Variants in ADGRV1 observed in about 807,000 individuals in gnomAD.
ADGRV1 encodes the protein G-protein coupled receptor 98.
A neutral mutation model predicts 596.2 loss-of-function variants in ADGRV1; 359 were observed. The ratio of observed to expected loss-of-function variants is 0.60; its 90% CI spans 0.55 to 0.66. The LOEUF (loss-of-function observed/expected upper bound fraction) is 0.66. Ranked by LOEUF, ADGRV1 falls within the 30% of genes least tolerant of loss-of-function variation. The probability of loss-of-function intolerance (pLI) is 0.00; values close to 1 mark genes in which losing one functional copy is unlikely to be tolerated. For synonymous variants in ADGRV1, 2,681 were observed against 2,679.2 expected (o/e 1.00, Z -0.02); for missense variants, 7,274 against 7,575.6 (o/e 0.96, Z 1.48).
At chr5:90,775,103 A>G (rs533047185) in intron 60 of ADGRV1, among the ~76,000 whole-genome samples, 2 of 152,326 alleles carry the variant, frequency 1.3e-5, no homozygotes, top group African/African-American at 4.8e-5. Context: ...TATAAACAAT[A>G]ATAACCAACC....
chr5:90,832,197 G>A (rs970820819), intron 77 of ADGRV1, among the ~76,000 whole-genome samples: 1 of 152,082 alleles, frequency 6.6e-6, no homozygotes, highest in Non-Finnish European at 1.5e-5. Context: ...CATAGTGGTT[G>A]TACTAATTTA....
rs756384554 is a variant in ADGRV1, at chr5:90,729,680, G to A, written c.10465G>A (p.Gly3489Arg). The A allele has an allele frequency of 8.7e-6, 14 of 1,604,992 alleles. No individual in the cohort carries two copies. The highest frequency in any genetic ancestry group is 1.1e-5 in the Non-Finnish European group (13 of 1,172,542). The change falls in exon 50 of 90, where the codon GGA becomes AGA. Residue 3489 changes from glycine (G) to arginine (R), a missense_variant. By Grantham distance (125) the Gly-to-Arg change is moderately radical. Coordinates refer to ENST00000405460, the MANE Select transcript of ADGRV1 (RefSeq NM_032119.4). The stretch of plus-strand genomic sequence containing the variant: ...AATTGATATTTTCATCTGGGAGATG[G>A]GACAGTCTTCCTTCAGGTATTTTCA... ...NSIDIFIWEM[G>R]QSSFRYFQSV...
chr5:90,758,160 G>T (rs1212613732), intron 57 of ADGRV1, among the ~76,000 whole-genome samples: 2 of 152,006 alleles, frequency 1.3e-5, no homozygotes. Flanking sequence ...GTGAAACCCC[G>T]TCTGTACTAG....
intron 87 of ADGRV1, among the ~76,000 whole-genome samples, chr5:91,122,130 G>C (rs1793373827): frequency 6.6e-6 from 1 of 152,092 alleles, no homozygotes; most frequent in African/African-American, 2.4e-5. Flanking sequence ...TTCTTTCTGG[G>C]TCTTTCCGTG....
chr5:90,712,142 T>C (rs1749444364), intron 41 of ADGRV1, 145 bp from the exon 42 acceptor site: 1 of 514,678 alleles, frequency 1.9e-6, no homozygotes, highest in African/African-American at 2.0e-5. Context: ...TAAAAAGATA[T>C]AAACCAAAAT....
intron 83 of ADGRV1, among the ~76,000 whole-genome samples, chr5:90,962,182 T>C (rs369642956): frequency 1.3e-5 from 2 of 152,204 alleles, no homozygotes; most frequent in South Asian, 4.1e-4. Context: ...ACAATAATAG[T>C]TTCACATCAT....
At chr5:90,630,019 A>G (rs1227370988) in intron 9 of ADGRV1, 1 of 152,378 alleles carries the variant, frequency 6.6e-6, no homozygotes, top group Non-Finnish European at 1.5e-5. Flanking sequence ...TTTTTTTGAG[A>G]CAGGGTCTCA....
chr5:91,001,255 T>G (rs1781835700), intron 85 of ADGRV1, among the ~76,000 whole-genome samples: 3 of 152,048 alleles, frequency 2.0e-5, no homozygotes, highest in Admixed American at 2.0e-4. Context: ...TATTTTTATC[T>G]TTTGTGGAGA....
At chr5:91,145,285 C>T (rs1398538295) in intron 87 of ADGRV1, among the ~76,000 whole-genome samples, 2 of 152,122 alleles carry the variant, frequency 1.3e-5, no homozygotes, top group Non-Finnish European at 2.9e-5. Context: ...TAAAAACAAA[C>T]AAGAGGGAGA....
chr5:90,888,432 T>C (rs916970144), intron 83 of ADGRV1, among the ~76,000 whole-genome samples: 2 of 152,154 alleles, frequency 1.3e-5, no homozygotes, highest in Admixed American at 6.6e-5. Flanking sequence ...TAAAAATTGG[T>C]AACTAAAATA....
chr5:90,959,235 C>A (rs537953359), intron 83 of ADGRV1, among the ~76,000 whole-genome samples: 2 of 151,098 alleles, frequency 1.3e-5, no homozygotes, highest in African/African-American at 2.4e-5. Flanking sequence ...ATAAAAATAT[C>A]AATTACAATA....
At chr5:90,885,881 A>AGAGG (rs1242743904) in intron 83 of ADGRV1, among the ~76,000 whole-genome samples, 1 of 151,276 alleles carries the variant, frequency 6.6e-6, no homozygotes, top group Non-Finnish European at 1.5e-5. Flanking sequence ...AAGGAGGGAG[A>AGAGG]GAGGGAGGGA....
intron 84 of ADGRV1, among the ~76,000 whole-genome samples, chr5:90,983,281 T>G (rs1029574410): frequency 6.6e-6 from 1 of 152,218 alleles, no homozygotes; most frequent in Non-Finnish European, 1.5e-5. Flanking sequence ...CAGTCTTATC[T>G]GAGCCTGTGG....
At chr5:90,686,024 A>G (rs1340515057) in intron 29 of ADGRV1, 29 bp downstream of exon 29, 1 of 1,431,132 alleles carries the variant, frequency 7.0e-7, no homozygotes. Flanking sequence ...AAAGCAGTAC[A>G]TACAGAGGGA....
At chr5:90,979,427 C>T (rs530410402) in intron 84 of ADGRV1, among the ~76,000 whole-genome samples, 1 of 152,238 alleles carries the variant, frequency 6.6e-6, no homozygotes, top group South Asian at 2.1e-4. Context: ...ACCTTGGCCT[C>T]CCAAAGTACT....
intron 83 of ADGRV1, among the ~76,000 whole-genome samples, chr5:90,876,615 A>G (rs1769244225): frequency 1.3e-5 from 2 of 152,200 alleles, no homozygotes; most frequent in African/African-American, 4.8e-5. Flanking sequence ...CTCTAAGATT[A>G]GGAATTGCTC....
At position 90,976,269 on chromosome 5, in the gene ADGRV1, T is replaced by C. The variant is rs1017854919; in HGVS notation, c.17974-9075T>C. Among the ~76,000 whole-genome samples the C allele has an allele frequency of 2.1e-5, 3 of 146,194 alleles. No homozygotes were observed. The Admixed American group carries it at 2.1e-4, about 10-fold the overall frequency. On this transcript the variant is annotated intron_variant, in intron 84 of 89. Transcript: ENST00000405460. ...CATATATTTATATATAGTGTATATA[T>C]GTTTACGTGTATCTGTATGTGTGTG...
intron 50 of ADGRV1, among the ~76,000 whole-genome samples, chr5:90,731,848 A>G (rs750221268): frequency 1.3e-5 from 2 of 152,210 alleles, no homozygotes; most frequent in Non-Finnish European, 2.9e-5. Flanking sequence ...AATGACAGCA[A>G]TATACTCATT....
intron 73 of ADGRV1, among the ~76,000 whole-genome samples, chr5:90,809,293 T>TACACACACACACACACAC (rs60659185): frequency 0.073 from 9,873 of 134,436 alleles, 495 homozygotes; most frequent in Non-Finnish European, 0.084. Context: ...CGGGCATAAA[T>TACACACACACACACACAC]ACACACACAC....
Sources: gnomAD v4.1 joint callset for allele counts (sites outside exome capture counted in the v4.1 genomes callset) on GRCh38, gnomAD v4.1.1 for gene constraint, MANE v1.5 for transcripts, NCBI Gene and HGNC (gene_info 2026-07-23, HGNC 2026-07-21) for gene names.